The following PELI2 variants were observed in gnomAD, a reference collection of about 807,000 sequenced individuals.
The protein encoded by PELI2 is pellino E3 ubiquitin protein ligase family member 2, also known as E3 ubiquitin-protein ligase pellino homolog 2.
PELI2 carries 23 observed loss-of-function variants against 42.3 expected under a neutral mutation model. The ratio of observed to expected loss-of-function variants is 0.54; its 90% CI spans 0.39 to 0.77. The LOEUF (loss-of-function observed/expected upper bound fraction) is 0.77, where lower values mean the gene tolerates loss of function less well. Among genes scored for constraint, PELI2 ranks in the 30% least tolerant of loss-of-function variants. PELI2 has a pLI of 0.00. For missense variants in PELI2, 463 were observed against 553.2 expected, an observed-to-expected ratio of 0.84 and a Z score of 1.64; for synonymous variants, 245 against 212.2, an observed-to-expected ratio of 1.15 and a Z score of -1.34.
intron 1 of PELI2, among the ~76,000 whole-genome samples, chr14:56,148,221 A>G (rs2139616285): frequency 6.6e-6 from 1 of 152,286 alleles, no homozygotes; most frequent in Middle Eastern, 3.4e-3. Context: ...TCTCTTTTCT[A>G]TCCCAGGCTT....
At chr14:56,233,335 A>T (rs76727584) in intron 2 of PELI2, among the ~76,000 whole-genome samples, 1 of 151,878 alleles carries the variant, frequency 6.6e-6, no homozygotes, top group Non-Finnish European at 1.5e-5. Flanking sequence ...GGAGGCATCA[A>T]GCTACCTAAC....
rs548521841 is a variant in PELI2, at chr14:56,180,426, G to T, written c.207+1962G>T. Among the ~76,000 whole-genome samples the T allele has an allele frequency of 6.6e-6, 1 of 152,150 alleles. No homozygotes were observed. Among genetic ancestry groups the T allele is most frequent in the East Asian group, 1.9e-4 (1 of 5,190 alleles). On this transcript the variant is annotated intron_variant, in intron 2 of 5. Transcript: ENST00000267460. This position sits in a 1 kb window ranked among gnomAD's most constrained non-coding sequence, Gnocchi z 4.4. ...CAGGTTTTGAGAGAGAGGAGAACTG[G>T]AGTATCAACAACAGTGCACATGGAT...
At chr14:56,239,238 G>C (rs1325219587) in intron 2 of PELI2, among the ~76,000 whole-genome samples, 1 of 152,186 alleles carries the variant, frequency 6.6e-6, no homozygotes, top group Non-Finnish European at 1.5e-5. Flanking sequence ...AGTTGCCTTT[G>C]TGAGTTTTAA....
chr14:56,157,957 T>C (rs1271020743), intron 1 of PELI2, among the ~76,000 whole-genome samples: 1 of 152,186 alleles, frequency 6.6e-6, no homozygotes, highest in Non-Finnish European at 1.5e-5. Flanking sequence ...TCAAGTTTCT[T>C]TATTTGAAAT....
At chr14:56,194,110 A>G (rs1886047656) in intron 2 of PELI2, among the ~76,000 whole-genome samples, 1 of 152,190 alleles carries the variant, frequency 6.6e-6, no homozygotes, top group African/African-American at 2.4e-5. Flanking sequence ...TGTACGTCGT[A>G]GGAAGCACTG....
chr14:56,266,298 A>G (rs1888901369), intron 2 of PELI2, among the ~76,000 whole-genome samples: 1 of 152,042 alleles, frequency 6.6e-6, no homozygotes, highest in African/African-American at 2.4e-5. Context: ...GCATGGCAAA[A>G]AAACCCACAA....
At chr14:56,244,977 A>G (rs1207304972) in intron 2 of PELI2, among the ~76,000 whole-genome samples, 3 of 152,232 alleles carry the variant, frequency 2.0e-5, no homozygotes, top group East Asian at 1.9e-4. Flanking sequence ...ACTGTTTACT[A>G]GCATGTATGA....
chr14:56,182,045 G>A (rs557704586), intron 2 of PELI2, among the ~76,000 whole-genome samples: 38 of 152,102 alleles, frequency 2.5e-4, no homozygotes, highest in Non-Finnish European at 4.0e-4. Flanking sequence ...CATCCACATG[G>A]AGCTAAATGT....
chr14:56,239,296 T>C (rs988410003), intron 2 of PELI2, among the ~76,000 whole-genome samples: 1 of 152,228 alleles, frequency 6.6e-6, no homozygotes, highest in African/African-American at 2.4e-5. Flanking sequence ...TTCTTTGGAA[T>C]TGAAAATAGG....
intron 2 of PELI2, among the ~76,000 whole-genome samples, chr14:56,225,089 T>TA (rs1393593138): frequency 6.6e-6 from 1 of 152,094 alleles, no homozygotes; most frequent in Non-Finnish European, 1.5e-5. Context: ...GGAGAGTGAG[T>TA]AAATACATGT....
At chr14:56,158,083 A>T (rs529495894) in intron 1 of PELI2, among the ~76,000 whole-genome samples, 1 of 152,292 alleles carries the variant, frequency 6.6e-6, no homozygotes, top group East Asian at 1.9e-4. Context: ...GCTGGAGTGC[A>T]GTGGTGCAAT....
intron 1 of PELI2, among the ~76,000 whole-genome samples, chr14:56,162,128 A>G (rs936188489): frequency 2.6e-5 from 4 of 152,230 alleles, no homozygotes; most frequent in African/African-American, 9.6e-5. Context: ...CAATCCGATT[A>G]CATTCTGTAA....
chr14:56,217,453 C>T (rs1448278051), intron 2 of PELI2, among the ~76,000 whole-genome samples: 1 of 152,214 alleles, frequency 6.6e-6, no homozygotes, highest in Non-Finnish European at 1.5e-5. Flanking sequence ...AAGAGGAGGA[C>T]TCCTCTGGCA....
At chr14:56,230,644 A>T (rs1157031789) in intron 2 of PELI2, among the ~76,000 whole-genome samples, 1 of 152,204 alleles carries the variant, frequency 6.6e-6, no homozygotes, top group East Asian at 1.9e-4. Context: ...CACTGCAAAA[A>T]CATGCCAAAT....
intron 2 of PELI2, among the ~76,000 whole-genome samples, chr14:56,237,749 T>C (rs1445043076): frequency 1.3e-5 from 2 of 151,220 alleles, no homozygotes; most frequent in Admixed American, 6.6e-5. Flanking sequence ...ATTCCAGATA[T>C]GACCTAAACA....
chr14:56,120,640 G>A (rs1175695107), intron 1 of PELI2, among the ~76,000 whole-genome samples: 2 of 152,216 alleles, frequency 1.3e-5, no homozygotes, highest in Admixed American at 1.3e-4. Flanking sequence ...GTGCTGTTTA[G>A]GCATTGCTGA....
At chr14:56,182,828 C>T (rs907374301) in intron 2 of PELI2, among the ~76,000 whole-genome samples, 2 of 152,270 alleles carry the variant, frequency 1.3e-5, no homozygotes, top group African/African-American at 4.8e-5. Flanking sequence ...TCAACATAAA[C>T]TCATTCACCC....
intron 2 of PELI2, among the ~76,000 whole-genome samples, chr14:56,246,763 A>G (rs1888176538): frequency 6.6e-6 from 1 of 152,238 alleles, no homozygotes; most frequent in Non-Finnish European, 1.5e-5. Flanking sequence ...AAGGTAATTT[A>G]CCTAGGAAGT....
At chr14:56,147,761 T>G (rs1028487462) in intron 1 of PELI2, among the ~76,000 whole-genome samples, 9 of 152,220 alleles carry the variant, frequency 5.9e-5, no homozygotes, top group African/African-American at 2.2e-4. Flanking sequence ...GGGAGAGCTA[T>G]AAATATGTAG....
Sources: allele counts gnomAD v4.1 joint callset (sites outside exome capture counted in the v4.1 genomes callset), GRCh38; gene constraint gnomAD v4.1.1; non-coding constraint Gnocchi (gnomAD v3.1); transcripts MANE v1.5; gene names NCBI Gene and HGNC (gene_info 2026-07-23, HGNC 2026-07-21).